GALNT14: variants seen among roughly 807,000 people sequenced by gnomAD.
GALNT14 encodes polypeptide N-acetylgalactosaminyltransferase 14.
A neutral mutation model predicts 77.5 loss-of-function variants in GALNT14; 60 were observed. That is an observed-to-expected ratio of 0.77 (90% CI 0.63 to 0.96). The LOEUF is 0.96. Among genes scored for constraint, GALNT14 ranks in the 40% least tolerant of loss-of-function variants. The pLI, the probability that GALNT14 is intolerant of heterozygous loss-of-function variation, is 0.00. For missense variants in GALNT14, 710 were observed against 731.0 expected (o/e 0.97, Z 0.33); for synonymous variants, 280 against 281.7 (o/e 0.99, Z 0.06).
In GALNT14 at chr2:31,013,248, C is replaced by T. The variant is rs372845654; in HGVS notation, c.130-20241G>A. Among the ~76,000 whole-genome samples, 18 of 151,034 alleles carry T rather than the reference C, an allele frequency of 1.2e-4. No individual in the cohort carries two copies. The East Asian group carries it at 2.1e-3, about 18-fold the overall frequency. On this transcript the variant is annotated intron_variant, in intron 1 of 14. Coordinates refer to ENST00000349752, the MANE Select transcript of GALNT14 (RefSeq NM_024572.4). Reference sequence around the variant, plus strand: ...GAAGCAGAGAAACAGATGGAACACACAAAACAGTCTTCATCTTTTTAAATA... The same window carrying T: ...GAAGCAGAGAAACAGATGGAACACATAAAACAGTCTTCATCTTTTTAAATA...
chr2:31,094,244 C>A (rs1351165044), intron 1 of GALNT14, among the ~76,000 whole-genome samples: 1 of 152,226 alleles, frequency 6.6e-6, no homozygotes, highest in African/African-American at 2.4e-5. Flanking sequence ...TCTCCCCACC[C>A]TTGAGAATGT....
chr2:31,013,930 T>C (rs568081813), intron 1 of GALNT14, among the ~76,000 whole-genome samples: 68 of 152,318 alleles, frequency 4.5e-4, no homozygotes, highest in African/African-American at 1.6e-3. Flanking sequence ...AAAATAACGA[T>C]TGTGCAGACA....
intron 1 of GALNT14, among the ~76,000 whole-genome samples, chr2:30,993,500 T>C (rs1311592656): frequency 6.6e-6 from 1 of 152,208 alleles, no homozygotes; most frequent in Non-Finnish European, 1.5e-5. Context: ...ATGACTGTCA[T>C]TCCTCCTCTG....
At chr2:31,034,952 G>A (rs1672624631) in intron 1 of GALNT14, among the ~76,000 whole-genome samples, 1 of 152,096 alleles carries the variant, frequency 6.6e-6, no homozygotes. Context: ...ATTGTGGTTG[G>A]AAAATCTACT....
At chr2:31,109,501 C>A (rs187396300) in intron 1 of GALNT14, among the ~76,000 whole-genome samples, 1 of 152,314 alleles carries the variant, frequency 6.6e-6, no homozygotes, top group Admixed American at 6.5e-5. Context: ...TGAAATGATG[C>A]TCCCTTTCCT....
intron 1 of GALNT14, among the ~76,000 whole-genome samples, chr2:31,041,337 G>T (rs1287480898): frequency 6.6e-6 from 1 of 152,076 alleles, no homozygotes; most frequent in African/African-American, 2.4e-5. Flanking sequence ...TATAGAAGGA[G>T]AGTTTATTTC....
chr2:30,952,985 T>G (rs191604761), intron 6 of GALNT14, among the ~76,000 whole-genome samples: 11 of 152,356 alleles, frequency 7.2e-5, no homozygotes, highest in Admixed American at 5.2e-4. Flanking sequence ...TTGTCTCTTC[T>G]GTATAAAATC....
At chr2:30,994,626 C>T (rs1435472718) in intron 1 of GALNT14, among the ~76,000 whole-genome samples, 1 of 152,154 alleles carries the variant, frequency 6.6e-6, no homozygotes, top group Non-Finnish European at 1.5e-5. Flanking sequence ...GAGAAACCCC[C>T]AGCCTGTGTT....
In GALNT14 at chr2:31,130,783, T is replaced by TGCGCGCGC. The variant is rs1553382625; in HGVS notation, c.129+7167_129+7174dup. The stretch of plus-strand genomic sequence containing the variant: ...GTGTGTGTGTGTGTGTGTGTGTGTG[T>TGCGCGCGC]GCGCGCGCACCTGTGTGTGTGCCTG... On this transcript the variant is annotated intron_variant, in intron 1 of 14. Transcript: ENST00000349752. 4.7e-4 allele frequency among the ~76,000 whole-genome samples: 56 copies of TGCGCGCGC among 118,666 alleles called. 1 individual carries two copies. Among genetic ancestry groups the TGCGCGCGC allele is most frequent in the African/African-American group, 1.9e-3 (53 of 27,408 alleles). The allele number at this position is 118,666 out of a possible 152,430, so 77.8% of individuals were successfully genotyped here.
intron 1 of GALNT14, among the ~76,000 whole-genome samples, chr2:31,020,847 T>G (rs1034255614): frequency 6.6e-6 from 1 of 152,234 alleles, no homozygotes; most frequent in Non-Finnish European, 1.5e-5. Flanking sequence ...GAAGGGAGTA[T>G]GGTGTGTGGG....
intron 1 of GALNT14, among the ~76,000 whole-genome samples, chr2:31,043,420 T>C (rs192141614): frequency 6.6e-6 from 1 of 152,330 alleles, no homozygotes; most frequent in African/African-American, 2.4e-5. Flanking sequence ...GTCTTGTCCA[T>C]AGTAGCTCCT....
At chr2:31,045,102 G>A (rs1673352782) in intron 1 of GALNT14, among the ~76,000 whole-genome samples, 1 of 152,158 alleles carries the variant, frequency 6.6e-6, no homozygotes, top group Non-Finnish European at 1.5e-5. Flanking sequence ...GCTGCTCAGG[G>A]AGAGGGTTAG....
chr2:31,008,658 G>A (rs540727576), intron 1 of GALNT14, among the ~76,000 whole-genome samples: 49 of 152,356 alleles, frequency 3.2e-4, no homozygotes, highest in Admixed American at 8.5e-4. Context: ...AAGAGAGGCA[G>A]CCAGCATGAG....
At chr2:30,940,729 C>T (rs1666326723) in intron 9 of GALNT14, among the ~76,000 whole-genome samples, 4 of 152,184 alleles carry the variant, frequency 2.6e-5, no homozygotes, top group Admixed American at 2.6e-4. Context: ...ACCAAAGGTC[C>T]ACCTGCTCCA....
At chr2:31,057,618 C>T (rs960545697) in intron 1 of GALNT14, among the ~76,000 whole-genome samples, 1 of 151,908 alleles carries the variant, frequency 6.6e-6, no homozygotes, top group African/African-American at 2.4e-5. Flanking sequence ...TTTTATTCAT[C>T]CAGCCTGAAA....
chr2:30,997,643 A>C (rs1190552104), intron 1 of GALNT14, among the ~76,000 whole-genome samples: 1 of 152,222 alleles, frequency 6.6e-6, no homozygotes, highest in Non-Finnish European at 1.5e-5. Flanking sequence ...ATGTGTTTCA[A>C]AAGTATGATG....
At chr2:31,053,894 T>C (rs1332999406) in intron 1 of GALNT14, among the ~76,000 whole-genome samples, 1 of 152,224 alleles carries the variant, frequency 6.6e-6, no homozygotes, top group Non-Finnish European at 1.5e-5. Flanking sequence ...AAGACCCTTC[T>C]GGGCTTCTCT....
intron 1 of GALNT14, among the ~76,000 whole-genome samples, chr2:31,016,333 A>G (rs78632367): frequency 0.016 from 2,488 of 152,204 alleles, 67 homozygotes; most frequent in African/African-American, 0.057. Context: ...GCCAACCTTG[A>G]TTACCTCCTT....
At chr2:31,062,525 T>G (rs1558537749) in intron 1 of GALNT14, among the ~76,000 whole-genome samples, 1 of 152,248 alleles carries the variant, frequency 6.6e-6, no homozygotes, top group Non-Finnish European at 1.5e-5. Flanking sequence ...TAAACATACA[T>G]GTGCATGTGT....
Sources: allele counts gnomAD v4.1 joint callset (sites outside exome capture counted in the v4.1 genomes callset), GRCh38; gene constraint gnomAD v4.1.1; transcripts MANE v1.5; gene names NCBI Gene and HGNC (gene_info 2026-07-23, HGNC 2026-07-21).